NRXN3: variants seen among roughly 807,000 people sequenced by gnomAD.
NRXN3 encodes the protein neurexin 3.
NRXN3 carries 32 observed loss-of-function variants against 137.6 expected under a neutral mutation model. The observed-to-expected ratio is 0.23, with a 90% CI of 0.18 to 0.31. NRXN3 has a LOEUF of 0.31. Among genes scored for constraint, NRXN3 ranks in the 10% least tolerant of loss-of-function variants. The pLI is 1.00. For synonymous variants in NRXN3, 798 were observed against 784.5 expected, an observed-to-expected ratio of 1.02 and a Z score of -0.29; for missense variants, 1,574 against 2,062.5, an observed-to-expected ratio of 0.76 and a Z score of 4.59.
At chr14:78,988,183 T>C in intron 15 of NRXN3, 42 bp downstream of exon 15, 1 of 1,608,874 alleles carries the variant, frequency 6.2e-7, no homozygotes, top group South Asian at 1.1e-5. Context: ...TGTGAAGATG[T>C]TTGGAGATTT....
intron 4 of NRXN3, among the ~76,000 whole-genome samples, chr14:78,592,665 T>C (rs1195971158): frequency 1.3e-5 from 2 of 152,194 alleles, no homozygotes; most frequent in Non-Finnish European, 2.9e-5. Flanking sequence ...CATTAGCACT[T>C]GAATTTATCA....
At chr14:78,910,967 A>G (rs1294297248) in intron 10 of NRXN3, among the ~76,000 whole-genome samples, 2 of 152,168 alleles carry the variant, frequency 1.3e-5, no homozygotes, top group African/African-American at 4.8e-5. Context: ...CAGAACCTGA[A>G]TTTATCCTCA....
chr14:79,283,638 A>T (rs7153826), intron 15 of NRXN3, among the ~76,000 whole-genome samples: 2 of 152,098 alleles, frequency 1.3e-5, no homozygotes, highest in African/African-American at 4.8e-5. Context: ...GGTGCCCCCA[A>T]AAAATCTCAC....
At chr14:79,462,900 G>T (rs1444243252) in intron 15 of NRXN3, among the ~76,000 whole-genome samples, 1 of 151,544 alleles carries the variant, frequency 6.6e-6, no homozygotes, top group Non-Finnish European at 1.5e-5. Flanking sequence ...GTATGTATAT[G>T]TATATGTACA....
At chr14:78,527,297 G>T (rs576330791) in intron 4 of NRXN3, among the ~76,000 whole-genome samples, 2 of 152,118 alleles carry the variant, frequency 1.3e-5, no homozygotes, top group Non-Finnish European at 2.9e-5. Flanking sequence ...TAAGAAACTT[G>T]TAATCATGGC....
chr14:78,522,100 T>A (rs1198894885), intron 4 of NRXN3, among the ~76,000 whole-genome samples: 2 of 152,202 alleles, frequency 1.3e-5, no homozygotes, highest in Non-Finnish European at 2.9e-5. Context: ...CATTATTTTA[T>A]CACTAGAAAA....
chr14:79,314,616 A>T lies in NRXN3; in HGVS notation c.3263-152605A>T, dbSNP rs1408735460. Among the ~76,000 whole-genome samples the T allele has an allele frequency of 8.5e-5, 7 of 82,274 alleles. No homozygotes were observed. In the South Asian group the frequency reaches 1.6e-3, roughly 19 times the overall value. 54.0% of individuals were successfully genotyped at this position (82,274 alleles called of 152,430 possible). On this transcript the variant is annotated intron_variant, in intron 15 of 20. Coordinates refer to ENST00000335750, the MANE Select transcript of NRXN3 (RefSeq NM_001330195.2). ...TAGGCTCCACCTCTGGGGGCAGGGC[A>T]CAGACAAACAAAAAGACAGCAGTAA...
At chr14:78,905,034 C>T (rs1311239441) in intron 10 of NRXN3, among the ~76,000 whole-genome samples, 1 of 152,044 alleles carries the variant, frequency 6.6e-6, no homozygotes, top group Non-Finnish European at 1.5e-5. Context: ...GGCCATGTAT[C>T]CTTTTGTAGT....
chr14:78,697,806 C>T (rs1337971412), intron 6 of NRXN3: 1 of 151,954 alleles, frequency 6.6e-6, no homozygotes, highest in Non-Finnish European at 1.5e-5. Flanking sequence ...GCCTCCTGTA[C>T]CAGGTTGGAA....
intron 15 of NRXN3, among the ~76,000 whole-genome samples, chr14:79,093,062 T>C (rs892637088): frequency 1.3e-5 from 2 of 152,160 alleles, no homozygotes; most frequent in Admixed American, 6.5e-5. Context: ...CCATTATTCA[T>C]AGGGCAGACA....
At chr14:78,423,733 G>A (rs916828276) in intron 4 of NRXN3, among the ~76,000 whole-genome samples, 4 of 152,178 alleles carry the variant, frequency 2.6e-5, no homozygotes, top group African/African-American at 4.8e-5. Flanking sequence ...AAAGTATTAC[G>A]TTGGTGCAAA....
chr14:78,337,364 C>A (rs1466989812), intron 4 of NRXN3, among the ~76,000 whole-genome samples: 1 of 152,122 alleles, frequency 6.6e-6, no homozygotes, highest in Non-Finnish European at 1.5e-5. Flanking sequence ...CTCACTTATC[C>A]TAGTTATGGG....
At chr14:79,442,629 ACT>A (rs2095984705) in intron 15 of NRXN3, among the ~76,000 whole-genome samples, 1 of 152,136 alleles carries the variant, frequency 6.6e-6, no homozygotes, top group Non-Finnish European at 1.5e-5. Flanking sequence ...ACCTGGAGAA[ACT>A]CTGATTCTTT....
chr14:79,706,804 C>G (rs2098781887), intron 19 of NRXN3, among the ~76,000 whole-genome samples: 1 of 152,138 alleles, frequency 6.6e-6, no homozygotes, highest in South Asian at 2.1e-4. Flanking sequence ...CACACCGCCC[C>G]CCTTTCACCG....
chr14:79,528,944 T>C (rs900773259), intron 16 of NRXN3, among the ~76,000 whole-genome samples: 1 of 152,196 alleles, frequency 6.6e-6, no homozygotes, highest in Admixed American at 6.5e-5. Context: ...CAAGTTAATA[T>C]GTATGTCTCG....
intron 16 of NRXN3, among the ~76,000 whole-genome samples, chr14:79,519,831 G>A (rs1190016275): frequency 1.7e-5 from 2 of 119,200 alleles, no homozygotes; most frequent in African/African-American, 6.7e-5. Flanking sequence ...AGTTACATTT[G>A]TGATTATCAT....
chr14:78,182,184 A>G (rs1413779507), intron 1 of NRXN3, among the ~76,000 whole-genome samples: 1 of 152,156 alleles, frequency 6.6e-6, no homozygotes, highest in East Asian at 1.9e-4. Flanking sequence ...CAAGGGCTTC[A>G]CAAGTATCAC....
Position 79,861,580 on chromosome 14 carries a change from G to T in NRXN3, c.4332G>T (p.Pro1444=), listed in dbSNP as rs765721318. 44 of 1,606,590 alleles carry T rather than the reference G, an allele frequency of 2.7e-5. No individual in the cohort carries two copies. Among genetic ancestry groups the T allele is most frequent in the Admixed American group, 3.4e-5 (2 of 58,792 alleles). ...CCCAGCCTGATATAGTCTTGCTTCC[G>T]TTGCCCACTGCCTATGAGCTAGACA... is the stretch of plus-strand genomic sequence containing the variant. ...LKPQPDIVLL[P]LPTAYELDST... The change falls in exon 21 of 21, where the codon CCG becomes CCT. Residue 1444 remains proline, a synonymous_variant. Coordinates refer to ENST00000335750, the MANE Select transcript of NRXN3 (RefSeq NM_001330195.2). The surrounding 1 kb of genome is among the most constrained non-coding windows in gnomAD (Gnocchi z 5.4).
At chr14:79,105,038 A>C (rs917320515) in intron 15 of NRXN3, among the ~76,000 whole-genome samples, 1 of 152,160 alleles carries the variant, frequency 6.6e-6, no homozygotes, top group African/African-American at 2.4e-5. Context: ...CTGAAATAGC[A>C]GTTTATTTCT....
Sources: allele counts gnomAD v4.1 joint callset (sites outside exome capture counted in the v4.1 genomes callset), GRCh38; gene constraint gnomAD v4.1.1; non-coding constraint Gnocchi (gnomAD v3.1); transcripts MANE v1.5; gene names NCBI Gene and HGNC (gene_info 2026-07-23, HGNC 2026-07-21).